The following ROBO1 variants were observed in gnomAD, a reference collection of about 807,000 sequenced individuals.
ROBO1 encodes roundabout guidance receptor 1.
ROBO1 carries 149 observed loss-of-function variants against 195.9 expected under a neutral mutation model. That is an observed-to-expected ratio of 0.76 (90% confidence interval 0.67 to 0.87). ROBO1 has a LOEUF of 0.87. Among genes scored for constraint, ROBO1 ranks in the 40% least tolerant of loss-of-function variants. ROBO1 has a pLI of 0.00. For synonymous variants in ROBO1, 816 were observed against 733.2 expected, an observed-to-expected ratio of 1.11 and a Z score of -1.82; for missense variants, 1,933 against 2,068.3, an observed-to-expected ratio of 0.93 and a Z score of 1.27.
At chr3:79,618,739 C>G (rs1332973348) in intron 1 of ROBO1, among the ~76,000 whole-genome samples, 1 of 152,134 alleles carries the variant, frequency 6.6e-6, no homozygotes, top group Non-Finnish European at 1.5e-5. Flanking sequence ...TGGTGCCTCA[C>G]TCCATGAGGA....
At chr3:79,362,563 T>C (rs989883838) in intron 2 of ROBO1, among the ~76,000 whole-genome samples, 1 of 152,062 alleles carries the variant, frequency 6.6e-6, no homozygotes, top group Non-Finnish European at 1.5e-5. Context: ...GGAAATGGAG[T>C]GGACTTGATG....
At chr3:78,782,059 ATTCTACTG>A (rs2083692626) in intron 4 of ROBO1, among the ~76,000 whole-genome samples, 1 of 152,128 alleles carries the variant, frequency 6.6e-6, no homozygotes, top group Non-Finnish European at 1.5e-5. Flanking sequence ...CCAAGTAATT[ATTCTACTG>A]TAGTTATCTT....
chr3:78,905,758 A>G (rs187256657), intron 4 of ROBO1, among the ~76,000 whole-genome samples: 1 of 152,322 alleles, frequency 6.6e-6, no homozygotes, highest in Admixed American at 6.5e-5. Context: ...TATATTTCAT[A>G]CTTAAATGTG....
intron 4 of ROBO1, among the ~76,000 whole-genome samples, chr3:78,775,179 C>A (rs373286000): frequency 1.3e-5 from 2 of 152,302 alleles, no homozygotes; most frequent in African/African-American, 4.8e-5. Flanking sequence ...GAAATGCTAT[C>A]TTCTGGCCAG....
chr3:78,947,777 A>C (rs2040532870), intron 3 of ROBO1, among the ~76,000 whole-genome samples: 1 of 152,118 alleles, frequency 6.6e-6, no homozygotes, highest in Non-Finnish European at 1.5e-5. Context: ...GACCGCTAGC[A>C]AGACTAATAA....
At chr3:79,180,849 T>C (rs1333919423) in intron 2 of ROBO1, among the ~76,000 whole-genome samples, 1 of 151,930 alleles carries the variant, frequency 6.6e-6, no homozygotes, top group African/African-American at 2.4e-5. Context: ...GGATGTGCAG[T>C]TGGAGGGGGT....
intron 4 of ROBO1, among the ~76,000 whole-genome samples, chr3:78,837,416 T>C (rs1456883477): frequency 1.3e-5 from 2 of 152,130 alleles, no homozygotes; most frequent in African/African-American, 4.8e-5. Flanking sequence ...TTACTGATAG[T>C]AGCAAAAATA....
chr3:79,281,817 A>G lies in ROBO1; in HGVS notation c.89-156278T>C, dbSNP rs114895206. ...CAAATGAGGCAACCAAGCCTCAGAAATATGAAAAAAGATGCTTAAAGTAAT... is the reference window on the plus strand; with the variant it reads ...CAAATGAGGCAACCAAGCCTCAGAAGTATGAAAAAAGATGCTTAAAGTAAT... On this transcript the variant is annotated intron_variant, in intron 2 of 30. Coordinates refer to ENST00000464233, the MANE Select transcript of ROBO1 (RefSeq NM_002941.4). Among the ~76,000 whole-genome samples the G allele has an allele frequency of 2.1e-3, 315 of 152,358 alleles. 2 individuals carry two copies. Among genetic ancestry groups the G allele is most frequent in the African/African-American group, 7.1e-3 (295 of 41,588 alleles).
intron 4 of ROBO1, among the ~76,000 whole-genome samples, chr3:78,748,476 C>A (rs2082712106): frequency 6.7e-6 from 1 of 150,304 alleles, no homozygotes; most frequent in Non-Finnish European, 1.5e-5. Context: ...TAAATAAATC[C>A]TATTGAATTT....
At chr3:79,016,836 A>G (rs1161311654) in intron 3 of ROBO1, among the ~76,000 whole-genome samples, 1 of 152,244 alleles carries the variant, frequency 6.6e-6, no homozygotes, top group African/African-American at 2.4e-5. Flanking sequence ...TCTCAAAGGT[A>G]TCTGAAGCTG....
chr3:79,656,116 A>G (rs549354366), intron 1 of ROBO1, among the ~76,000 whole-genome samples: 53 of 152,254 alleles, frequency 3.5e-4, no homozygotes, highest in Middle Eastern at 3.4e-3. Context: ...ATGGTTTTAA[A>G]TCAGTTTTTA....
intron 2 of ROBO1, among the ~76,000 whole-genome samples, chr3:79,300,118 G>A (rs1422704379): frequency 1.3e-5 from 2 of 152,210 alleles, no homozygotes; most frequent in Non-Finnish European, 2.9e-5. Flanking sequence ...CCACTTTGGC[G>A]GCACTTGAGG....
At chr3:79,156,426 C>T (rs2108651103) in intron 2 of ROBO1, among the ~76,000 whole-genome samples, 1 of 151,860 alleles carries the variant, frequency 6.6e-6, no homozygotes. Context: ...TCATTTTTCA[C>T]ATTGTTACAT....
chr3:78,835,563 T>C (rs2032635416), intron 4 of ROBO1, among the ~76,000 whole-genome samples: 1 of 152,182 alleles, frequency 6.6e-6, no homozygotes, highest in South Asian at 2.1e-4. Flanking sequence ...GTGCTTAAGA[T>C]TGCATTACAA....
At chr3:79,638,399 T>C (rs1445014174) in intron 1 of ROBO1, among the ~76,000 whole-genome samples, 1 of 152,198 alleles carries the variant, frequency 6.6e-6, no homozygotes, top group Non-Finnish European at 1.5e-5. Flanking sequence ...TTTTTTATTT[T>C]TTATTTTTTG....
chr3:79,332,744 A>C (rs962059034), intron 2 of ROBO1, among the ~76,000 whole-genome samples: 4 of 152,218 alleles, frequency 2.6e-5, no homozygotes, highest in Non-Finnish European at 5.9e-5. Context: ...CCTGATAATA[A>C]AGAAAATTGC....
chr3:78,681,730 C>T (rs142223919), intron 10 of ROBO1, among the ~76,000 whole-genome samples: 5,357 of 152,148 alleles, frequency 0.035, 111 homozygotes, highest in South Asian at 0.055. Context: ...CGGTGAAACC[C>T]GTCTCTACTA....
In ROBO1 at chr3:79,224,172, C is replaced by A. The variant is rs2082187260; in HGVS notation, c.89-98633G>T. 2.0e-5 allele frequency among the ~76,000 whole-genome samples: 3 copies of A among 151,934 alleles called. No individual in the cohort carries two copies. The South Asian group carries it at 6.2e-4, about 31-fold the overall frequency. On this transcript the variant is annotated intron_variant, in intron 2 of 30. Coordinates refer to ENST00000464233, the MANE Select transcript of ROBO1 (RefSeq NM_002941.4). ...AATAGACAGAAAAAAAGGTCTTGAA[C>A]ATTTTTATAACTAACAAAACAAAGC...
At chr3:78,755,698 A>G (rs1283089803) in intron 4 of ROBO1, among the ~76,000 whole-genome samples, 2 of 152,204 alleles carry the variant, frequency 1.3e-5, no homozygotes, top group African/African-American at 4.8e-5. Flanking sequence ...TTCTAATCTG[A>G]GTAACTGATC....
Sources: gnomAD v4.1 joint callset for allele counts (sites outside exome capture counted in the v4.1 genomes callset) on GRCh38, gnomAD v4.1.1 for gene constraint, MANE v1.5 for transcripts, NCBI Gene and HGNC (gene_info 2026-07-23, HGNC 2026-07-21) for gene names.